CNTN1: variants seen among roughly 807,000 people sequenced by gnomAD.
The protein encoded by CNTN1 is contactin 1.
A neutral mutation model predicts 126.4 loss-of-function variants in CNTN1; 38 were observed. That is an observed-to-expected ratio of 0.30 (90% CI 0.23 to 0.39). CNTN1 has a LOEUF of 0.39. Among genes scored for constraint, CNTN1 ranks in the 10% least tolerant of loss-of-function variants. The pLI, the probability that CNTN1 is intolerant of heterozygous loss-of-function variation, is 1.00. For missense variants in CNTN1, 1,009 were observed against 1,248.4 expected (o/e 0.81, Z 2.89); for synonymous variants, 413 against 422.6 (o/e 0.98, Z 0.28).
At chr12:40,787,868 G>A (rs1467322646) in intron 1 of CNTN1, among the ~76,000 whole-genome samples, 3 of 152,062 alleles carry the variant, frequency 2.0e-5, no homozygotes, top group African/African-American at 7.2e-5. Context: ...TTTGCTGGAT[G>A]TATAATTTTA....
intron 1 of CNTN1, among the ~76,000 whole-genome samples, chr12:40,720,904 A>G (rs544138905): frequency 3.3e-5 from 5 of 151,876 alleles, no homozygotes; most frequent in South Asian, 2.1e-4. Flanking sequence ...ACTCCAGCCT[A>G]TTTGTAACAG....
At chr12:40,739,944 T>G (rs1271247896) in intron 1 of CNTN1, among the ~76,000 whole-genome samples, 1 of 152,052 alleles carries the variant, frequency 6.6e-6, no homozygotes, top group Non-Finnish European at 1.5e-5. Context: ...TATCTTGCTT[T>G]TGGATTGTTA....
intron 1 of CNTN1, among the ~76,000 whole-genome samples, chr12:40,772,876 C>T (rs369541723): frequency 1.3e-5 from 2 of 151,878 alleles, no homozygotes; most frequent in East Asian, 1.9e-4. Flanking sequence ...ATTAAAATTG[C>T]CACTTCACAT....
intron 1 of CNTN1, among the ~76,000 whole-genome samples, chr12:40,714,095 A>G (rs1355269363): frequency 6.6e-6 from 1 of 152,134 alleles, no homozygotes; most frequent in Non-Finnish European, 1.5e-5. Context: ...GTTATTCAGA[A>G]AATAGCATTC....
chr12:40,987,870 T>C (rs1452315277), intron 16 of CNTN1, among the ~76,000 whole-genome samples: 3 of 152,258 alleles, frequency 2.0e-5, no homozygotes, highest in Admixed American at 2.0e-4. Context: ...TGCCATATCT[T>C]TACCTAGTAT....
chr12:40,796,649 G>C (rs559704270), intron 1 of CNTN1, among the ~76,000 whole-genome samples: 4 of 152,082 alleles, frequency 2.6e-5, no homozygotes, highest in African/African-American at 9.7e-5. Context: ...AATGGTTAAC[G>C]AATGTTCTGT....
At chr12:40,795,475 C>G (rs1285856660) in intron 1 of CNTN1, among the ~76,000 whole-genome samples, 6 of 151,472 alleles carry the variant, frequency 4.0e-5, no homozygotes, top group African/African-American at 1.2e-4. Context: ...ATATGTGAAC[C>G]TATATAGAAT....
At chr12:40,863,518 C>A (rs1035883736) in intron 1 of CNTN1, among the ~76,000 whole-genome samples, 49 of 152,094 alleles carry the variant, frequency 3.2e-4, no homozygotes, top group Non-Finnish European at 1.2e-4. Context: ...TAGCAAATAA[C>A]CTCTAAGGAT....
At chr12:40,721,131 C>T (rs1942198214) in intron 1 of CNTN1, among the ~76,000 whole-genome samples, 1 of 152,060 alleles carries the variant, frequency 6.6e-6, no homozygotes, top group African/African-American at 2.4e-5. Flanking sequence ...CTTTCGGAAT[C>T]CCAGGCATCA....
At chr12:40,843,719 A>G (rs1942378665) in intron 1 of CNTN1, among the ~76,000 whole-genome samples, 1 of 152,224 alleles carries the variant, frequency 6.6e-6, no homozygotes, top group East Asian at 1.9e-4. Flanking sequence ...TTAGAGATAA[A>G]TGCCCTGCAA....
rs1232560352 is a variant in CNTN1, at chr12:41,025,187, C to A, written c.2561C>A (p.Ala854Glu). 1 of 1,613,912 alleles carries A rather than the reference C, an allele frequency of 6.2e-7. No individual in the cohort carries two copies. Among genetic ancestry groups the A allele is most frequent in the East Asian group, 2.2e-5 (1 of 44,862 alleles). The change falls in exon 21 of 24, where the codon GCA becomes GAA. Residue 854 changes from alanine to glutamate, a missense_variant. Coordinates refer to ENST00000551295, the MANE Select transcript of CNTN1 (RefSeq NM_001843.4). ...GCTGCCCATGACAAAGAAGAAGCTG[C>A]AAACAGAGTTCAAGTCACCAGCCAA... ...YWAAHDKEEA[A>E]NRVQVTSQEY...
chr12:40,892,995 C>A (rs1944295796), intron 1 of CNTN1, among the ~76,000 whole-genome samples: 2 of 147,646 alleles, frequency 1.4e-5, no homozygotes, highest in Admixed American at 6.7e-5. Context: ...GAGTTGAAAA[C>A]ATAAAAATAT....
intron 1 of CNTN1, among the ~76,000 whole-genome samples, chr12:40,843,831 C>T (rs1243932236): frequency 2.0e-5 from 3 of 151,980 alleles, no homozygotes; most frequent in South Asian, 4.1e-4. Context: ...CTTTGGAATT[C>T]ATTGAAGATG....
chr12:41,017,210 T>A (rs1237866951), intron 19 of CNTN1, among the ~76,000 whole-genome samples: 2 of 151,074 alleles, frequency 1.3e-5, no homozygotes, highest in African/African-American at 2.5e-5. Flanking sequence ...AATTTTGTAG[T>A]CAGAAACTCT....
intron 23 of CNTN1, among the ~76,000 whole-genome samples, chr12:41,060,945 T>C (rs887914442): frequency 1.3e-5 from 2 of 152,114 alleles, no homozygotes; most frequent in Non-Finnish European, 1.5e-5. Context: ...TCATAGATGG[T>C]TTTTACTTTG....
intron 1 of CNTN1, among the ~76,000 whole-genome samples, chr12:40,784,914 T>C (rs1939949820): frequency 6.6e-6 from 1 of 152,102 alleles, no homozygotes; most frequent in African/African-American, 2.4e-5. Flanking sequence ...CAACTGATAC[T>C]TTTGTGTGGT....
chr12:40,796,746 T>C (rs775509574), intron 1 of CNTN1, among the ~76,000 whole-genome samples: 14 of 151,944 alleles, frequency 9.2e-5, no homozygotes, highest in Non-Finnish European at 1.6e-4. Flanking sequence ...AAAATGAAAT[T>C]CTCTCACTTA....
intron 1 of CNTN1, among the ~76,000 whole-genome samples, chr12:40,727,026 A>G (rs558792072): frequency 1.3e-5 from 2 of 150,150 alleles, no homozygotes; most frequent in Admixed American, 6.6e-5. Context: ...TTCTAATAAT[A>G]AAATTATTTC....
chr12:40,975,178 T>TTATATATATATATA (rs58939653), intron 15 of CNTN1, among the ~76,000 whole-genome samples: 18 of 48,646 alleles, frequency 3.7e-4, no homozygotes, highest in African/African-American at 4.9e-4. Context: ...GTAAAATGGA[T>TTATATATATATATA]TATATATATA....
Sources: gnomAD v4.1 joint callset for allele counts (sites outside exome capture counted in the v4.1 genomes callset) on GRCh38, gnomAD v4.1.1 for gene constraint, MANE v1.5 for transcripts, NCBI Gene and HGNC (gene_info 2026-07-23, HGNC 2026-07-21) for gene names.